Variants in PML observed in about 807,000 individuals in gnomAD.
The protein encoded by PML is PML nuclear body scaffold, also known as protein PML.
In PML, 28 loss-of-function variants were observed where a neutral mutation model predicts 65.2. The ratio of observed to expected loss-of-function variants is 0.43; its 90% CI spans 0.32 to 0.59. The LOEUF (loss-of-function observed/expected upper bound fraction) is 0.59, where lower values mean the gene tolerates loss of function less well. PML is among the 20% of genes least tolerant of loss of function. PML has a pLI of 0.08. For synonymous variants in PML, 500 were observed against 508.8 expected (o/e 0.98, Z 0.23); for missense variants, 1,021 against 1,203.4 (o/e 0.85, Z 2.24).
Position 73,998,167 on chromosome 15 carries a change from G to C in PML, c.293G>C (p.Gly98Ala), listed in dbSNP as rs936181106. 6.2e-7 allele frequency: 1 copy of C among 1,614,100 alleles called. No individual in the cohort carries two copies. Among genetic ancestry groups the C allele is most frequent in the African/African-American group, 1.3e-5 (1 of 74,944 alleles). The change falls in exon 2 of 9, where the codon GGT (glycine) becomes GCT (alanine). Residue 98 changes from glycine to alanine, a missense_variant. Physicochemically the swap from Gly to Ala is moderately conservative, Grantham distance 60. Coordinates refer to ENST00000268058, the MANE Select transcript of PML (RefSeq NM_033238.3). Reference sequence around the variant, plus strand: ...ATCTGCCAGGCGCCCTGGCCCCTAGGTGCAGACACACCCGCCCTGGATAAC... The same window carrying C: ...ATCTGCCAGGCGCCCTGGCCCCTAGCTGCAGACACACCCGCCCTGGATAAC... ...CPICQAPWPL[G>A]ADTPALDNVF...
rs770677767 is a variant in PML at position 74,035,763 on chromosome 15, G to A, written c.1710+1233G>A. On this transcript the variant is annotated intron_variant, in intron 7 of 8. Coordinates refer to ENST00000268058, the MANE Select transcript of PML (RefSeq NM_033238.3). This position sits in a 1 kb window ranked among gnomAD's most constrained non-coding sequence, Gnocchi z 4.1. ...CCAGCTTGACATGTCTTCCGTGGTG[G>A]GGGCAGGGGAAAGCAGAGCCCAGAC... 1 of 1,614,124 alleles carries A rather than the reference G, an allele frequency of 6.2e-7. No individual in the cohort carries two copies. Among genetic ancestry groups the A allele is most frequent in the South Asian group, 1.1e-5 (1 of 91,082 alleles).
intron 7 of PML, 44 bp downstream of exon 7, chr15:74,034,574 A>C: frequency 1.2e-6 from 2 of 1,613,964 alleles, no homozygotes; most frequent in Non-Finnish European, 1.7e-6. Context: ...GCCTCCCCCC[A>C]TTTCAGGTCC....
intron 4 of PML, chr15:74,031,207 G>A: frequency 2.4e-6 from 1 of 420,990 alleles, no homozygotes. Context: ...ATCCATTCTG[G>A]GCATTGCATG....
chr15:74,009,671 C>T (rs1294203729), intron 2 of PML, among the ~76,000 whole-genome samples: 1 of 146,742 alleles, frequency 6.8e-6, no homozygotes, highest in Non-Finnish European at 1.5e-5. Context: ...AGTGCAGTGG[C>T]ACAGTCATGG....
chr15:73,998,921 G>T (rs576339255), intron 2 of PML, among the ~76,000 whole-genome samples: 2 of 152,314 alleles, frequency 1.3e-5, no homozygotes, highest in East Asian at 3.9e-4. Flanking sequence ...TGTCTGAAAA[G>T]TTGAAACCAT....
chr15:73,998,791 A>C lies in PML; in HGVS notation c.602+315A>C, dbSNP rs111617563. Among the ~76,000 whole-genome samples the C allele has an allele frequency of 4.3e-3, 660 of 152,288 alleles. 3 individuals are homozygous for C. The highest frequency in any genetic ancestry group is 0.015 in the African/African-American group (632 of 41,556). On this transcript the variant is annotated intron_variant, in intron 2 of 8. Coordinates refer to ENST00000268058, the MANE Select transcript of PML (RefSeq NM_033238.3). ...CACTGCTGGGTGTAGGGGGACGGGA[A>C]TTCTACATTTGATACATGTTACCAA... is the stretch of plus-strand genomic sequence containing the variant.
rs117367140 is a variant in PML at position 74,025,980 on chromosome 15, G to A, written c.1254+1053G>A. On this transcript the variant is annotated intron_variant, in intron 4 of 8. Coordinates refer to ENST00000268058, the MANE Select transcript of PML (RefSeq NM_033238.3). Reference sequence around the variant, plus strand: ...GAGAGAGAGAGTGCTGTAGGTTGAGGCAATCAGGAGAGGCTTCCTGGAAGA... The same window carrying A: ...GAGAGAGAGAGTGCTGTAGGTTGAGACAATCAGGAGAGGCTTCCTGGAAGA... 534 of 152,442 alleles carry A rather than the reference G, an allele frequency of 3.5e-3. 4 individuals are homozygous for A. Among genetic ancestry groups the A allele is most frequent in the South Asian group, 6.6e-3 (32 of 4,828 alleles). The allele number at this position is 152,442 out of a possible 1,614,324, so 9.4% of individuals were successfully genotyped here. A position where few individuals can be genotyped will look rare whatever the true frequency, so the allele number is the denominator to read the frequency against.
rs1359953081 is a variant in PML, at chr15:73,998,062, A to G, written c.188A>G (p.Glu63Gly). The part of the protein sequence containing the change: ...QFLRCQQCQA[E>G]AKCPKLLPCL... ...CTGCGCTGCCAGCAATGCCAGGCGGAAGCCAAGTGCCCGAAGCTGCTGCCT... is the reference window on the plus strand; with the variant it reads ...CTGCGCTGCCAGCAATGCCAGGCGGGAGCCAAGTGCCCGAAGCTGCTGCCT... Residue 63 changes from glutamate (E) to glycine (G), a missense_variant, in exon 2 of 9, where the codon GAA (glutamate) becomes GGA (glycine). Physicochemically the swap from Glu to Gly is moderately conservative, Grantham distance 98. Coordinates refer to ENST00000268058, the MANE Select transcript of PML (RefSeq NM_033238.3). 1 of 1,613,346 alleles carries G rather than the reference A, an allele frequency of 6.2e-7. No individual in the cohort carries two copies. Among genetic ancestry groups the G allele is most frequent in the East Asian group, 2.2e-5 (1 of 44,876 alleles).
rs1461699990 is a variant in PML, at chr15:74,036,362, G to A, written c.1710+1832G>A. ...CTGGCTATCCCAAGACCTGGCAGATGTGGCTGCTCAATAAACACTTGTTGA... is the reference window on the plus strand; with the variant it reads ...CTGGCTATCCCAAGACCTGGCAGATATGGCTGCTCAATAAACACTTGTTGA... On this transcript the variant is annotated intron_variant, in intron 7 of 8. Transcript: ENST00000268058. 1.5e-5 allele frequency: 21 copies of A among 1,397,002 alleles called. No individual in the cohort carries two copies. In the Admixed American group the frequency reaches 1.8e-4, roughly 12 times the overall value. The allele number at this position is 1,397,002 out of a possible 1,614,324, so 86.5% of individuals were successfully genotyped here.
Position 74,023,299 on chromosome 15 carries a change from C to G in PML, c.1074C>G (p.Arg358=), listed in dbSNP as rs762157300. The part of the protein sequence containing the change: ...MHGFLRQALC[R]LRQEEPQSLQ... ...GTTTCCTGCGCCAGGCGCTCTGCCG[C>G]CTGCGCCAGGAGGAGCCCCAGAGCC... The change falls in exon 3 of 9, where the codon CGC becomes CGG. Residue 358 remains arginine, a synonymous_variant. Transcript: ENST00000268058. 14 of 1,609,374 alleles carry G rather than the reference C, an allele frequency of 8.7e-6. No homozygotes were observed. The African/African-American group carries it at 1.6e-4, about 18-fold the overall frequency.
intron 4 of PML, chr15:74,031,350 C>T (rs2071314611): frequency 5.0e-6 from 2 of 398,766 alleles, no homozygotes; most frequent in South Asian, 3.8e-5. Flanking sequence ...TCTCGGCTCA[C>T]TGCAATGTCT....
rs1398957686 is a variant in PML, at chr15:73,994,787, C to G, written c.-26C>G. ...TCTTCACGCACTCCAAGATCTAAAC[C>G]GAGAATCGAAACTAAGCTGGGGTCC... On this transcript the variant is annotated 5_prime_UTR_variant, in exon 1 of 9. Coordinates refer to ENST00000268058, the MANE Select transcript of PML (RefSeq NM_033238.3). The G allele has an allele frequency of 1.0e-5, 16 of 1,551,018 alleles. No homozygotes were observed. The highest frequency in any genetic ancestry group is 1.4e-5 in the African/African-American group (1 of 73,034).
Position 74,010,517 on chromosome 15 carries a change from T to TA in PML, c.602+12060dup, listed in dbSNP as rs59230084. 5.9e-3 allele frequency among the ~76,000 whole-genome samples: 790 copies of TA among 133,500 alleles called. 4 individuals carry two copies. The highest frequency in any genetic ancestry group is 0.018 in the African/African-American group (644 of 35,226). The allele number at this position is 133,500 out of a possible 152,430, so 87.6% of individuals were successfully genotyped here. ...GGGCAACAGAGCGAGGCCTTGTCTC[T>TA]AAAAAAAAAAAAAAAAAAAGAAATT... On this transcript the variant is annotated intron_variant, in intron 2 of 8. Coordinates refer to ENST00000268058, the MANE Select transcript of PML (RefSeq NM_033238.3).
At chr15:74,012,237 G>A (rs1243023512) in intron 2 of PML, among the ~76,000 whole-genome samples, 8 of 152,204 alleles carry the variant, frequency 5.3e-5, no homozygotes, top group East Asian at 1.9e-4. Flanking sequence ...GTGCAGTGGC[G>A]CAATCTTGGC....
rs756407264 is a variant in PML at position 74,035,795 on chromosome 15, A to G, written c.1710+1265A>G. 4 of 1,614,038 alleles carry G rather than the reference A, an allele frequency of 2.5e-6. No homozygotes were observed. Among genetic ancestry groups the G allele is most frequent in the Non-Finnish European group, 3.4e-6 (4 of 1,179,994 alleles). ...GGGAAAGCAGAGCCCAGACTCTTGG[A>G]GCAGGTGTTCCCCCTGGGGACTCTG... is the stretch of plus-strand genomic sequence containing the variant. On this transcript the variant is annotated intron_variant, in intron 7 of 8. Coordinates refer to ENST00000268058, the MANE Select transcript of PML (RefSeq NM_033238.3). This position sits in a 1 kb window ranked among gnomAD's most constrained non-coding sequence, Gnocchi z 4.1.
At position 74,044,647 on chromosome 15, in the gene PML, C is replaced by T. The variant is rs1012203019; in HGVS notation, c.2288C>T (p.Pro763Leu). 1 of 1,605,470 alleles carries T rather than the reference C, an allele frequency of 6.2e-7. No homozygotes were observed. Among genetic ancestry groups the T allele is most frequent in the Non-Finnish European group, 8.5e-7 (1 of 1,179,878 alleles). ...LCRLLEVSPG[P>L]QLAQHVYPFS... ...CGCCTCCTCGAGGTCTCCCCGGGCC[C>T]CCAGCTGGCCCAGCATGTCTACCCC... Residue 763 changes from proline (P) to leucine (L), a missense_variant, in exon 9 of 9, where the codon CCC becomes CTC. Coordinates refer to ENST00000268058, the MANE Select transcript of PML (RefSeq NM_033238.3).
At chr15:74,024,568 G>C (rs2070990677) in intron 3 of PML, among the ~76,000 whole-genome samples, 1 of 152,214 alleles carries the variant, frequency 6.6e-6, no homozygotes, top group Non-Finnish European at 1.5e-5. Context: ...CGCACACTTA[G>C]CCTTGCTGTT....
chr15:73,994,885 C>G lies in PML; in HGVS notation c.73C>G (p.Pro25Ala). 2 of 1,545,886 alleles carry G rather than the reference C, an allele frequency of 1.3e-6. No individual in the cohort carries two copies. Among genetic ancestry groups the G allele is most frequent in the Non-Finnish European group, 1.8e-6 (2 of 1,141,470 alleles). The change falls in exon 1 of 9, where the codon CCC (proline) becomes GCC (alanine). Residue 25 changes from proline (P) to alanine (A), a missense_variant. Transcript: ENST00000268058. ...PARPQEPTMP[P>A]PETPSEGRQP... ...CCGGCCCCAGGAGCCCACCATGCCT[C>G]CCCCCGAGACCCCCTCTGAAGGCCG...
At chr15:74,021,352 T>C (rs988897082) in intron 2 of PML, among the ~76,000 whole-genome samples, 11 of 151,970 alleles carry the variant, frequency 7.2e-5, no homozygotes, top group African/African-American at 2.7e-4. Context: ...TTTGGGAGGC[T>C]GGGGCGGGTG....
Sources: allele counts gnomAD v4.1 joint callset (sites outside exome capture counted in the v4.1 genomes callset), GRCh38; gene constraint gnomAD v4.1.1; non-coding constraint Gnocchi (gnomAD v3.1); transcripts MANE v1.5; gene names NCBI Gene and HGNC (gene_info 2026-07-23, HGNC 2026-07-21).